The following GPSM1 variants were observed in gnomAD, a reference collection of about 807,000 sequenced individuals.
GPSM1 encodes the protein G protein-signaling modulator 1.
GPSM1 carries 48 observed loss-of-function variants against 70.5 expected under a neutral mutation model. The ratio of observed to expected loss-of-function variants is 0.68; its 90% CI spans 0.54 to 0.87. GPSM1 has a LOEUF of 0.87. Among genes scored for constraint, GPSM1 ranks in the 40% least tolerant of loss-of-function variants. The pLI is 0.00. For missense variants in GPSM1, 981 were observed against 972.6 expected (o/e 1.01, Z -0.11); for synonymous variants, 416 against 430.1 (o/e 0.97, Z 0.41).
intron 1 of GPSM1, 44 bp downstream of exon 1, chr9:136,327,807 G>T: frequency 1.2e-6 from 1 of 833,854 alleles, no homozygotes; most frequent in South Asian, 5.9e-5. Flanking sequence ...GCTGGGACCG[G>T]ACCGGGCCGG....
intron 1 of GPSM1, among the ~76,000 whole-genome samples, chr9:136,329,933 G>C (rs1554768307): frequency 6.6e-6 from 1 of 150,758 alleles, no homozygotes; most frequent in Non-Finnish European, 1.5e-5. Flanking sequence ...GGGCCCCTGG[G>C]TGCTGGGTCG....
chr9:136,353,513 C>G (rs1554772476), intron 11 of GPSM1, among the ~76,000 whole-genome samples: 1 of 152,240 alleles, frequency 6.6e-6, no homozygotes, highest in Non-Finnish European at 1.5e-5. Flanking sequence ...TTCCCCGTAC[C>G]AGGCACTGAG....
rs1395677494 is a variant in GPSM1 at position 136,335,946 on chromosome 9, C to G, written c.291-20C>G. On this transcript the variant is annotated intron_variant, in intron 2 of 13. Coordinates refer to ENST00000440944, the MANE Select transcript of GPSM1 (RefSeq NM_001145638.3). ...CTGACCAGTCCTCAGCCTGACCCCTCACTCCTCCCTGCCATCCAGGACCAT... is the reference window on the plus strand; with the variant it reads ...CTGACCAGTCCTCAGCCTGACCCCTGACTCCTCCCTGCCATCCAGGACCAT... The G allele has an allele frequency of 1.2e-6, 2 of 1,610,422 alleles. No individual in the cohort carries two copies. Among genetic ancestry groups the G allele is most frequent in the Non-Finnish European group, 1.7e-6 (2 of 1,178,878 alleles).
rs144342024 is a variant in GPSM1, at chr9:136,343,893, A to G, written c.1207+2900A>G. ...GATGCACCCTCTGTCCGTGCGCCTA[A>G]GAGGGCCCAGAGGGGACAGTGTGTG... On this transcript the variant is annotated intron_variant, in intron 9 of 13. Transcript: ENST00000440944. The surrounding 1 kb of genome is among the most constrained non-coding windows in gnomAD (Gnocchi z 6.0). 9.2e-5 allele frequency among the ~76,000 whole-genome samples: 14 copies of G among 152,312 alleles called. 1 individual carries two copies. Among genetic ancestry groups the G allele is most frequent in the African/African-American group, 2.2e-4 (9 of 41,568 alleles).
rs539261184 is a variant in GPSM1, at chr9:136,330,348, C to T, written c.68+2585C>T. Among the ~76,000 whole-genome samples the T allele has an allele frequency of 2.6e-5, 4 of 152,230 alleles. No individual in the cohort carries two copies. The East Asian group carries it at 7.7e-4, about 29-fold the overall frequency. Reference sequence around the variant, plus strand: ...CCCCGCAACCTCTCTGGCCACATGGCCATGCTACCCCCTACCTTCACTCCA... The same window carrying T: ...CCCCGCAACCTCTCTGGCCACATGGTCATGCTACCCCCTACCTTCACTCCA... On this transcript the variant is annotated intron_variant, in intron 1 of 13. Transcript: ENST00000440944.
At chr9:136,337,196 A>G in intron 4 of GPSM1, 124 bp downstream of exon 4, 1 of 1,070,118 alleles carries the variant, frequency 9.3e-7, no homozygotes, top group South Asian at 1.6e-5. Flanking sequence ...AGTGACGGCC[A>G]GGTCCGCCCA....
chr9:136,338,024 G>C (rs1832290362), intron 6 of GPSM1, 63 bp downstream of exon 6: 1 of 1,056,780 alleles, frequency 9.5e-7, no homozygotes, highest in African/African-American at 1.6e-5. Flanking sequence ...GCCAGGCCAA[G>C]GAAGTGCCCG....
In GPSM1 at chr9:136,358,200, T is replaced by C. The variant is rs1213460240; in HGVS notation, c.2008T>C (p.Cys670Arg). ...CGGCCCGCCCGAGCCCCAGCAGCAG[T>C]GCCAGCCTGGTGCGAGCTAAGGCCC... ...AGGPPEPQQQCQPGAS is the reference protein window; with the variant it reads ...AGGPPEPQQQRQPGAS The change falls in exon 14 of 14, where the codon TGC becomes CGC. Residue 670 changes from cysteine to arginine, a missense_variant. By Grantham distance (180) the Cys-to-Arg change is radical. Transcript: ENST00000440944. The C allele has an allele frequency of 3.2e-6, 5 of 1,557,844 alleles. No homozygotes were observed. The highest frequency in any genetic ancestry group is 3.5e-6 in the Non-Finnish European group (4 of 1,155,208).
intron 4 of GPSM1, 139 bp downstream of exon 4, chr9:136,337,211 C>T (rs575736458): frequency 3.0e-5 from 31 of 1,048,968 alleles, no homozygotes; most frequent in Admixed American, 2.5e-4. Flanking sequence ...CGCCCACCCC[C>T]GCTTTCTCAG....
At chr9:136,333,521 G>A (rs2131393791) in intron 1 of GPSM1, among the ~76,000 whole-genome samples, 1 of 152,298 alleles carries the variant, frequency 6.6e-6, no homozygotes, top group Middle Eastern at 3.4e-3. Flanking sequence ...TGACGCACAG[G>A]GTGCTTGGGG....
intron 1 of GPSM1, among the ~76,000 whole-genome samples, 173 bp downstream of exon 1, chr9:136,327,936 C>A (rs1200767326): frequency 6.7e-6 from 1 of 148,696 alleles, no homozygotes; most frequent in East Asian, 2.1e-4. Flanking sequence ...CCCGCGTGGG[C>A]GTCCCCTGAA....
intron 1 of GPSM1, among the ~76,000 whole-genome samples, chr9:136,331,239 A>G (rs1471548558): frequency 6.6e-6 from 1 of 152,038 alleles, no homozygotes; most frequent in Admixed American, 6.5e-5. Flanking sequence ...GGGGAGCGGC[A>G]TCCCCCAGGC....
At chr9:136,335,192 T>C (rs1194533635) in intron 2 of GPSM1, among the ~76,000 whole-genome samples, 1 of 151,170 alleles carries the variant, frequency 6.6e-6, no homozygotes, top group Non-Finnish European at 1.5e-5. Flanking sequence ...CCCCAGGCCC[T>C]GAGCCCCGGG....
chr9:136,351,510 C>T (rs557388648), intron 11 of GPSM1, among the ~76,000 whole-genome samples: 3 of 152,332 alleles, frequency 2.0e-5, no homozygotes, highest in South Asian at 4.1e-4. Flanking sequence ...ACCAGTCAGC[C>T]GGCCTCAGGG....
Position 136,359,513 on chromosome 9 carries a change from T to A in GPSM1, c.*1293T>A, listed in dbSNP as rs1406201529. 1 of 152,350 alleles carries A rather than the reference T, an allele frequency of 6.6e-6. No individual in the cohort carries two copies. Among genetic ancestry groups the A allele is most frequent in the Middle Eastern group, 3.2e-3 (1 of 316 alleles). The allele number at this position is 152,350 out of a possible 1,614,324, so 9.4% of individuals were successfully genotyped here. ...TGTATGTGCGTATTTATTGCTCACG[T>A]CTGTGCCATGTTGTCAATGGGTCCT... On this transcript the variant is annotated 3_prime_UTR_variant, in exon 14 of 14. Coordinates refer to ENST00000440944, the MANE Select transcript of GPSM1 (RefSeq NM_001145638.3).
intron 6 of GPSM1, 72 bp from the exon 7 acceptor site, chr9:136,338,483 G>A (rs915420800): frequency 4.7e-5 from 68 of 1,443,198 alleles, no homozygotes; most frequent in Admixed American, 3.9e-4. Context: ...GGCAGACTGC[G>A]TCCCCATTCT....
Position 136,355,959 on chromosome 9 carries a change from T to C in GPSM1, c.1612+113T>C, listed in dbSNP as rs533633332. 1.3e-4 allele frequency: 116 copies of C among 864,868 alleles called. 2 individuals are homozygous for C. In the South Asian group the frequency reaches 1.7e-3, roughly 12 times the overall value. The allele number at this position is 864,868 out of a possible 1,614,324, so 53.6% of individuals were successfully genotyped here. On this transcript the variant is annotated intron_variant, in intron 12 of 13. Coordinates refer to ENST00000440944, the MANE Select transcript of GPSM1 (RefSeq NM_001145638.3). Reference sequence around the variant, plus strand: ...TTCGGGGGCAGACCAGCAGGCCAGCTGCAGAGCACCCTGTCACTGAGGGCG... The same window carrying C: ...TTCGGGGGCAGACCAGCAGGCCAGCCGCAGAGCACCCTGTCACTGAGGGCG...
At chr9:136,327,793 C>CGGGGCT (rs782246490) in intron 1 of GPSM1, 30 bp downstream of exon 1, 166 of 1,011,996 alleles carry the variant, frequency 1.6e-4, no homozygotes, top group Non-Finnish European at 2.0e-4. Flanking sequence ...GGGCCGGGGC[C>CGGGGCT]GGGGCTGGGA....
rs1227723323 is a variant in GPSM1, at chr9:136,340,421, C to T, written c.1084-449C>T. ...ACAGCCTCCAGGGCCTTCCAGGGCT[C>T]CATGTGGCCCTCCCCCCAACCCCAT... On this transcript the variant is annotated intron_variant, in intron 8 of 13. Transcript: ENST00000440944. The surrounding 1 kb of genome is among the most constrained non-coding windows in gnomAD (Gnocchi z 7.3). Among the ~76,000 whole-genome samples the T allele has an allele frequency of 6.6e-6, 1 of 151,970 alleles. No individual in the cohort carries two copies. The highest frequency in any genetic ancestry group is 2.4e-5 in the African/African-American group (1 of 41,354).
Sources: gnomAD v4.1 joint callset for allele counts (sites outside exome capture counted in the v4.1 genomes callset) on GRCh38, gnomAD v4.1.1 for gene constraint, Gnocchi (gnomAD v3.1) non-coding constraint, MANE v1.5 for transcripts, NCBI Gene and HGNC (gene_info 2026-07-23, HGNC 2026-07-21) for gene names.